Variants in KCNQ5 observed in about 807,000 individuals in gnomAD.
KCNQ5 encodes potassium voltage-gated channel subfamily Q member 5.
In KCNQ5, 30 loss-of-function variants were observed where a neutral mutation model predicts 98.2. That is an observed-to-expected ratio of 0.31 (90% CI 0.23 to 0.41). The LOEUF (loss-of-function observed/expected upper bound fraction) is 0.41, where lower values mean the gene tolerates loss of function less well. KCNQ5 is among the 10% of genes least tolerant of loss of function. The pLI is 1.00. For synonymous variants in KCNQ5, 458 were observed against 449.4 expected, an observed-to-expected ratio of 1.02 and a Z score of -0.24; for missense variants, 835 against 1,182.5, an observed-to-expected ratio of 0.71 and a Z score of 4.31.
intron 10 of KCNQ5, among the ~76,000 whole-genome samples, chr6:73,150,999 T>G (rs1452549351): frequency 6.6e-6 from 1 of 152,120 alleles, no homozygotes. Context: ...TGTCTATATC[T>G]TGACTGGATC....
At chr6:72,935,440 G>A (rs1765873738) in intron 1 of KCNQ5, among the ~76,000 whole-genome samples, 1 of 152,030 alleles carries the variant, frequency 6.6e-6, no homozygotes, top group Non-Finnish European at 1.5e-5. Context: ...CATGCTGACT[G>A]GTATCCCTTT....
At chr6:72,902,677 C>T (rs1410954126) in intron 1 of KCNQ5, among the ~76,000 whole-genome samples, 4 of 152,088 alleles carry the variant, frequency 2.6e-5, no homozygotes, top group Non-Finnish European at 5.9e-5. Context: ...ATCCCTGCAT[C>T]CCTGGTATGA....
At chr6:72,774,973 A>T (rs552705769) in intron 1 of KCNQ5, among the ~76,000 whole-genome samples, 43 of 152,326 alleles carry the variant, frequency 2.8e-4, no homozygotes, top group African/African-American at 9.6e-4. Flanking sequence ...TGGTAGCAAC[A>T]CAAATGTGTC....
At chr6:72,967,698 C>G (rs1767686457) in intron 1 of KCNQ5, 1 of 154,658 alleles carries the variant, frequency 6.5e-6, no homozygotes, top group African/African-American at 2.4e-5. Flanking sequence ...GGATGATGTT[C>G]CTGGATGCAA....
In KCNQ5 at chr6:73,165,700, T is replaced by C. The variant is rs140111683; in HGVS notation, c.1469-4046T>C. On this transcript the variant is annotated intron_variant, in intron 10 of 13. Coordinates refer to ENST00000370398, the MANE Select transcript of KCNQ5 (RefSeq NM_019842.4). ...TGGTTCACGCCTGTAATCCCAGCAC[T>C]TTGGGAGGCTGAGGTGGGCAGATCA... Among the ~76,000 whole-genome samples, 997 of 152,070 alleles carry C rather than the reference T, an allele frequency of 6.6e-3. 11 individuals carry two copies. Among genetic ancestry groups the C allele is most frequent in the African/African-American group, 0.023 (941 of 41,478 alleles).
At chr6:73,061,891 C>T (rs930115476) in intron 3 of KCNQ5, among the ~76,000 whole-genome samples, 12 of 152,036 alleles carry the variant, frequency 7.9e-5, no homozygotes, top group Non-Finnish European at 1.5e-4. Context: ...ATCCTAGAAT[C>T]GATACCTACA....
chr6:73,025,019 T>A (rs998888270), intron 2 of KCNQ5, among the ~76,000 whole-genome samples: 12 of 152,200 alleles, frequency 7.9e-5, no homozygotes, highest in Admixed American at 6.5e-5. Flanking sequence ...AGGTATTATG[T>A]CCCTAACTTC....
rs564535222 is a variant in KCNQ5, at chr6:73,154,761, A to G, written c.1469-14985A>G. On this transcript the variant is annotated intron_variant, in intron 10 of 13. Coordinates refer to ENST00000370398, the MANE Select transcript of KCNQ5 (RefSeq NM_019842.4). ...TTACTTTAAACTTCTTTTGCCTCTT[A>G]AATATTTTCATGGGCTAATAGGGGA... is the stretch of plus-strand genomic sequence containing the variant. Among the ~76,000 whole-genome samples, 158 of 152,344 alleles carry G rather than the reference A, an allele frequency of 1.0e-3. 1 individual carries two copies. Among genetic ancestry groups the G allele is most frequent in the African/African-American group, 3.7e-3 (154 of 41,588 alleles).
Position 72,796,597 on chromosome 6 carries a change from A to G in KCNQ5, c.398+174010A>G, listed in dbSNP as rs1177738895. On this transcript the variant is annotated intron_variant, in intron 1 of 13. Transcript: ENST00000370398. ...AAGATTCGAAGGATATGGACAGAGTAATGCAAAACACTCTCCAACATTATA... is the reference window on the plus strand; with the variant it reads ...AAGATTCGAAGGATATGGACAGAGTGATGCAAAACACTCTCCAACATTATA... Among the ~76,000 whole-genome samples, 3 of 152,346 alleles carry G rather than the reference A, an allele frequency of 2.0e-5. No individual in the cohort carries two copies. In the East Asian group the frequency reaches 5.8e-4, roughly 29 times the overall value.
chr6:72,876,301 T>C (rs1254758186), intron 1 of KCNQ5, among the ~76,000 whole-genome samples: 1 of 152,168 alleles, frequency 6.6e-6, no homozygotes, highest in African/African-American at 2.4e-5. Context: ...AAATTCCCTA[T>C]ATATTTGAAA....
At chr6:72,910,838 C>T (rs533746058) in intron 1 of KCNQ5, among the ~76,000 whole-genome samples, 2 of 152,168 alleles carry the variant, frequency 1.3e-5, no homozygotes, top group South Asian at 4.1e-4. Context: ...ATGAGCAGCA[C>T]GGAAACAGGT....
At chr6:72,666,767 G>A (rs1297235712) in intron 1 of KCNQ5, among the ~76,000 whole-genome samples, 1 of 152,100 alleles carries the variant, frequency 6.6e-6, no homozygotes, top group Non-Finnish European at 1.5e-5. Context: ...TAAAAACCTT[G>A]AGAGTGCATT....
intron 1 of KCNQ5, among the ~76,000 whole-genome samples, chr6:72,647,741 A>G (rs1309488787): frequency 1.3e-5 from 2 of 152,200 alleles, no homozygotes; most frequent in African/African-American, 2.4e-5. Context: ...ATAATGAGGC[A>G]AATTTATTTC....
chr6:73,017,579 T>A (rs898275858), intron 2 of KCNQ5, among the ~76,000 whole-genome samples: 1 of 151,848 alleles, frequency 6.6e-6, no homozygotes, highest in African/African-American at 2.4e-5. Flanking sequence ...TAGAGAAAAA[T>A]TTTCCAAGCT....
intron 1 of KCNQ5, among the ~76,000 whole-genome samples, chr6:72,874,366 G>A (rs1419566243): frequency 6.6e-6 from 1 of 152,088 alleles, no homozygotes; most frequent in Non-Finnish European, 1.5e-5. Context: ...TCTTAGATCA[G>A]ATAAGGTAAC....
At chr6:72,935,999 C>T (rs1001905202) in intron 1 of KCNQ5, among the ~76,000 whole-genome samples, 5 of 152,298 alleles carry the variant, frequency 3.3e-5, no homozygotes, top group Admixed American at 1.3e-4. Flanking sequence ...AATAATTTCC[C>T]TTAAATGGTC....
intron 1 of KCNQ5, among the ~76,000 whole-genome samples, chr6:72,947,125 T>C (rs1017555493): frequency 1.4e-4 from 21 of 152,192 alleles, no homozygotes; most frequent in African/African-American, 4.6e-4. Context: ...GCCTTCTATG[T>C]AGGCTTTCAT....
At chr6:72,738,030 CTG>C (rs56743371) in intron 1 of KCNQ5, among the ~76,000 whole-genome samples, 17,058 of 152,106 alleles carry the variant, frequency 0.11, 1,005 homozygotes, top group South Asian at 0.18. Context: ...TGGCGGGCGC[CTG>C]TAGTTCCAAC....
chr6:72,986,590 T>C (rs2150305349), intron 1 of KCNQ5: 4 of 641,248 alleles, frequency 6.2e-6, no homozygotes, highest in East Asian at 2.7e-5. Context: ...GCACCCTTTG[T>C]GAGGAGCACG....
Sources: allele counts gnomAD v4.1 joint callset (sites outside exome capture counted in the v4.1 genomes callset), GRCh38; gene constraint gnomAD v4.1.1; transcripts MANE v1.5; gene names NCBI Gene and HGNC (gene_info 2026-07-23, HGNC 2026-07-21).